Variants in PKIB observed in about 807,000 individuals in gnomAD.
The protein encoded by PKIB is PKI-beta.
A neutral mutation model predicts 4.5 loss-of-function variants in PKIB; 2 were observed. That is an observed-to-expected ratio of 0.44 (90% CI 0.18 to 1.39). The LOEUF (loss-of-function observed/expected upper bound fraction) is 1.39, where lower values mean the gene tolerates loss of function less well. PKIB is among the 40% of genes most tolerant of loss of function. The probability of loss-of-function intolerance (pLI) is 0.27; values close to 1 mark genes in which losing one functional copy is unlikely to be tolerated. For synonymous variants in PKIB, 38 were observed against 36.0 expected (o/e 1.06, Z -0.20); for missense variants, 94 against 92.6 (o/e 1.02, Z -0.06).
intron 2 of PKIB, among the ~76,000 whole-genome samples, chr6:122,514,426 A>G (rs1439614518): frequency 6.6e-6 from 1 of 152,204 alleles, no homozygotes; most frequent in Non-Finnish European, 1.5e-5. Flanking sequence ...AAGAAGTCAT[A>G]CTGATAAAGT....
chr6:122,568,793 G>A (rs2114687463), intron 2 of PKIB, among the ~76,000 whole-genome samples: 1 of 152,324 alleles, frequency 6.6e-6, no homozygotes, highest in Non-Finnish European at 1.5e-5. Flanking sequence ...CACAGGAGCT[G>A]GGTGCCCAGC....
At chr6:122,474,632 A>G (rs1295957825) in intron 1 of PKIB, among the ~76,000 whole-genome samples, 1 of 152,234 alleles carries the variant, frequency 6.6e-6, no homozygotes. Flanking sequence ...CATAGACTTT[A>G]ACATTCAAAT....
chr6:122,724,577 A>G (rs994045826), intron 4 of PKIB, among the ~76,000 whole-genome samples: 1 of 152,226 alleles, frequency 6.6e-6, no homozygotes, highest in Admixed American at 6.5e-5. Context: ...GAAGGCAGAA[A>G]GAATAAGCAC....
At chr6:122,705,745 T>TG (rs1327935743) in intron 3 of PKIB, among the ~76,000 whole-genome samples, 1 of 152,014 alleles carries the variant, frequency 6.6e-6, no homozygotes. Context: ...TTTTGTATTT[T>TG]TAGTAGACAT....
At chr6:122,601,061 TA>T (rs35514778) in intron 3 of PKIB, among the ~76,000 whole-genome samples, 28,663 of 138,922 alleles carry the variant, frequency 0.21, 3,326 homozygotes, top group Non-Finnish European at 0.28. Context: ...TATGACAGAG[TA>T]AAAAAAAAAA....
intron 2 of PKIB, among the ~76,000 whole-genome samples, chr6:122,651,009 G>T (rs1162687134): frequency 2.6e-5 from 4 of 152,140 alleles, no homozygotes; most frequent in Admixed American, 2.0e-4. Context: ...TCTCTGCTTA[G>T]TGGGATGATA....
At chr6:122,663,702 C>T (rs1270739284) in intron 2 of PKIB, among the ~76,000 whole-genome samples, 1 of 152,202 alleles carries the variant, frequency 6.6e-6, no homozygotes, top group Non-Finnish European at 1.5e-5. Context: ...TATAAGGACA[C>T]CAGTCATATT....
At chr6:122,577,972 A>T (rs1489237902) in intron 2 of PKIB, among the ~76,000 whole-genome samples, 1 of 151,974 alleles carries the variant, frequency 6.6e-6, no homozygotes, top group African/African-American at 2.4e-5. Flanking sequence ...ATTAACTGGG[A>T]TAAACAGACA....
intron 1 of PKIB, among the ~76,000 whole-genome samples, chr6:122,627,954 ACATT>A (rs1775525177): frequency 6.6e-6 from 1 of 152,172 alleles, no homozygotes. Flanking sequence ...CTTACAGAAA[ACATT>A]CATATTTTGT....
At chr6:122,496,696 A>C (rs949997590) in intron 2 of PKIB, among the ~76,000 whole-genome samples, 1 of 152,178 alleles carries the variant, frequency 6.6e-6, no homozygotes, top group African/African-American at 2.4e-5. Flanking sequence ...AATTCAAAAA[A>C]TGAGCAAAGT....
At chr6:122,501,658 A>G (rs941703925) in intron 2 of PKIB, among the ~76,000 whole-genome samples, 2 of 152,178 alleles carry the variant, frequency 1.3e-5, no homozygotes, top group African/African-American at 4.8e-5. Flanking sequence ...AGTCTGGCCC[A>G]TGAAACCATT....
chr6:122,634,763 C>T (rs1468485259), intron 2 of PKIB, among the ~76,000 whole-genome samples: 1 of 151,894 alleles, frequency 6.6e-6, no homozygotes, highest in Non-Finnish European at 1.5e-5. Context: ...TTTATGTCAA[C>T]ATGTCTAAAA....
intron 2 of PKIB, among the ~76,000 whole-genome samples, chr6:122,636,153 A>G (rs1332938282): frequency 6.6e-6 from 1 of 152,174 alleles, no homozygotes; most frequent in Non-Finnish European, 1.5e-5. Flanking sequence ...AACAAGGCCA[A>G]GGTCATGAAG....
intron 2 of PKIB, among the ~76,000 whole-genome samples, chr6:122,664,185 G>A (rs1777126608): frequency 1.3e-5 from 2 of 152,164 alleles, no homozygotes; most frequent in Admixed American, 1.3e-4. Context: ...GATGTTTGAA[G>A]CCCAGCTTTC....
At chr6:122,623,392 A>G (rs552281656) in intron 1 of PKIB, among the ~76,000 whole-genome samples, 1 of 152,358 alleles carries the variant, frequency 6.6e-6, no homozygotes, top group Non-Finnish European at 1.5e-5. Flanking sequence ...ATCAAGACAT[A>G]ACATCATCAG....
chr6:122,551,864 C>G (rs118186214), intron 2 of PKIB, among the ~76,000 whole-genome samples: 1 of 135,716 alleles, frequency 7.4e-6, no homozygotes, highest in African/African-American at 2.7e-5. Flanking sequence ...GAATCTTTGA[C>G]TTAGTACATC....
At chr6:122,501,751 G>A (rs564521246) in intron 2 of PKIB, among the ~76,000 whole-genome samples, 1 of 152,108 alleles carries the variant, frequency 6.6e-6, no homozygotes, top group African/African-American at 2.4e-5. Flanking sequence ...TTTCCTCATT[G>A]TCTTGGCTAT....
chr6:122,512,912 T>C (rs1776631243), intron 2 of PKIB, among the ~76,000 whole-genome samples: 1 of 152,340 alleles, frequency 6.6e-6, no homozygotes, highest in Middle Eastern at 3.4e-3. Flanking sequence ...AATTCTAAAA[T>C]ATATATCTCC....
chr6:122,560,454 G>A (rs556326971), intron 2 of PKIB, among the ~76,000 whole-genome samples: 2 of 152,118 alleles, frequency 1.3e-5, no homozygotes, highest in South Asian at 4.2e-4. Flanking sequence ...ATTTTGTTAA[G>A]GATTTTAGCA....
Sources: allele counts gnomAD v4.1 joint callset (sites outside exome capture counted in the v4.1 genomes callset), GRCh38; gene constraint gnomAD v4.1.1; transcripts MANE v1.5; gene names NCBI Gene and HGNC (gene_info 2026-07-23, HGNC 2026-07-21).